The following HTR7 variants were observed in gnomAD, a reference collection of about 807,000 sequenced individuals.
HTR7 encodes the protein 5-HT-7.
A neutral mutation model predicts 34.0 loss-of-function variants in HTR7; 16 were observed. The observed-to-expected ratio is 0.47, with a 90% CI of 0.32 to 0.71. HTR7 has a LOEUF of 0.71. Among genes scored for constraint, HTR7 ranks in the 30% least tolerant of loss-of-function variants. The pLI is 0.04. For missense variants in HTR7, 504 were observed against 625.5 expected, an observed-to-expected ratio of 0.81 and a Z score of 2.07; for synonymous variants, 265 against 260.2, an observed-to-expected ratio of 1.02 and a Z score of -0.18.
intron 1 of HTR7, among the ~76,000 whole-genome samples, chr10:90,800,911 C>T (rs558920801): frequency 6.6e-6 from 1 of 152,320 alleles, no homozygotes; most frequent in East Asian, 1.9e-4. Flanking sequence ...GCAGTCATTT[C>T]ATTAACTCTG....
At chr10:90,770,527 C>T (rs1033301290) in intron 1 of HTR7, among the ~76,000 whole-genome samples, 17 of 152,210 alleles carry the variant, frequency 1.1e-4, no homozygotes, top group African/African-American at 3.4e-4. Context: ...GTTGTCTGCT[C>T]CTGCTGCCTG....
At chr10:90,790,371 C>T (rs774124388) in intron 1 of HTR7, among the ~76,000 whole-genome samples, 3 of 152,074 alleles carry the variant, frequency 2.0e-5, no homozygotes, top group Non-Finnish European at 4.4e-5. Context: ...AATGTGACAC[C>T]GATTAACAAG....
intron 1 of HTR7, among the ~76,000 whole-genome samples, chr10:90,808,608 G>A (rs544640519): frequency 4.3e-4 from 65 of 151,838 alleles, no homozygotes; most frequent in African/African-American, 1.4e-3. Context: ...TCTGCGCCCC[G>A]ACCCCTTTCC....
intron 1 of HTR7, among the ~76,000 whole-genome samples, chr10:90,755,508 G>C (rs183172607): frequency 3.8e-4 from 58 of 152,082 alleles, no homozygotes; most frequent in Non-Finnish European, 7.1e-4. Context: ...TTCTATTTCA[G>C]ACTTTTTAAA....
At chr10:90,774,493 T>C (rs576568213) in intron 1 of HTR7, among the ~76,000 whole-genome samples, 2 of 152,302 alleles carry the variant, frequency 1.3e-5, no homozygotes, top group Admixed American at 6.5e-5. Flanking sequence ...GGTTTATAAT[T>C]TGGAGGCTGC....
chr10:90,770,686 GCA>G (rs1434922424), intron 1 of HTR7, among the ~76,000 whole-genome samples: 1 of 152,232 alleles, frequency 6.6e-6, no homozygotes, highest in African/African-American at 2.4e-5. Flanking sequence ...TAGACATTGG[GCA>G]CCAACAAGCA....
intron 1 of HTR7, among the ~76,000 whole-genome samples, chr10:90,816,424 C>T (rs1337836679): frequency 6.6e-6 from 1 of 152,062 alleles, no homozygotes; most frequent in Non-Finnish European, 1.5e-5. Context: ...AATTCTATTT[C>T]AAAGGAAAAC....
chr10:90,762,578 G>A (rs942455089), intron 1 of HTR7, among the ~76,000 whole-genome samples: 2 of 152,098 alleles, frequency 1.3e-5, no homozygotes, highest in South Asian at 2.1e-4. Context: ...CTCCCATTCT[G>A]TACATGGCCT....
At chr10:90,747,788 C>T (rs933833394) in intron 2 of HTR7, among the ~76,000 whole-genome samples, 5 of 152,214 alleles carry the variant, frequency 3.3e-5, no homozygotes, top group Non-Finnish European at 7.3e-5. Flanking sequence ...ACCTCCAACA[C>T]TAATCTGCTC....
In HTR7 at chr10:90,857,410, G is replaced by C; in HGVS notation, c.262C>G (p.Leu88Val). 6.2e-7 allele frequency: 1 copy of C among 1,614,094 alleles called. No homozygotes were observed. Among genetic ancestry groups the C allele is most frequent in the Non-Finnish European group, 8.5e-7 (1 of 1,180,024 alleles). The change falls in exon 1 of 4, where the codon CTG (leucine) becomes GTG (valine). Residue 88 changes from leucine to valine, a missense_variant. Leu to Val is a conservative substitution (Grantham distance 32). Coordinates refer to ENST00000336152, the MANE Select transcript of HTR7 (RefSeq NM_019859.4). The surrounding 1 kb of genome is among the most constrained non-coding windows in gnomAD (Gnocchi z 6.5). Reference sequence around the variant, plus strand: ...ATCGTCAGCAGCGTGATGAGCGTCAGGATGGAGCCGATCACAACTTTCTCG... The same window carrying C: ...ATCGTCAGCAGCGTGATGAGCGTCACGATGGAGCCGATCACAACTTTCTCG... ...RVEKVVIGSI[L>V]TLITLLTIAG...
chr10:90,756,187 C>G (rs931112773), intron 1 of HTR7, among the ~76,000 whole-genome samples: 4 of 152,136 alleles, frequency 2.6e-5, no homozygotes, highest in African/African-American at 9.7e-5. Flanking sequence ...GCAGTTACCT[C>G]CGGGGAAGAG....
chr10:90,770,539 C>T (rs1589443457), intron 1 of HTR7, among the ~76,000 whole-genome samples: 1 of 152,312 alleles, frequency 6.6e-6, no homozygotes, highest in South Asian at 2.1e-4. Flanking sequence ...TGCTGCCTGG[C>T]CTCTCCCCAC....
At position 90,857,746 on chromosome 10, in the gene HTR7, A is replaced by T; in HGVS notation, c.-75T>A. The stretch of plus-strand genomic sequence containing the variant: ...CTCCGGCTGCCGGCCCCGGGGCTTC[A>T]CCTCACCGGTTCCGCTCCGCCCGGC... On this transcript the variant is annotated 5_prime_UTR_variant, in exon 1 of 4. An upstream open reading frame in the 5' UTR loses its in-frame stop. Transcript: ENST00000336152. This position sits in a 1 kb window ranked among gnomAD's most constrained non-coding sequence, Gnocchi z 6.5. The T allele has an allele frequency of 7.4e-7, 1 of 1,359,624 alleles. No homozygotes were observed. The highest frequency in any genetic ancestry group is 9.5e-7 in the Non-Finnish European group (1 of 1,055,864). The allele number at this position is 1,359,624 out of a possible 1,614,324, so 84.2% of individuals were successfully genotyped here. A position where few individuals can be genotyped will look rare whatever the true frequency, so the allele number is the denominator to read the frequency against.
chr10:90,759,778 A>G (rs139648969), intron 1 of HTR7, among the ~76,000 whole-genome samples: 2 of 152,222 alleles, frequency 1.3e-5, no homozygotes, highest in African/African-American at 2.4e-5. Context: ...AATTTTACAA[A>G]GTAAAAATAA....
chr10:90,816,391 A>G (rs1845899354), intron 1 of HTR7, among the ~76,000 whole-genome samples: 1 of 152,246 alleles, frequency 6.6e-6, no homozygotes, highest in South Asian at 2.1e-4. Flanking sequence ...TTTTAGTAAA[A>G]AAGGAGAGAT....
intron 1 of HTR7, among the ~76,000 whole-genome samples, chr10:90,801,403 C>T (rs902456728): frequency 9.9e-5 from 15 of 152,256 alleles, no homozygotes; most frequent in African/African-American, 2.6e-4. Context: ...GCTCCAACCC[C>T]GGAAACACCA....
chr10:90,748,853 T>A lies in HTR7; in HGVS notation c.1281A>T (p.Arg427Ser). The stretch of plus-strand genomic sequence containing the variant: ...AATGACCTTACAGCACAAACTCAGG[T>A]CTCTCTGGCCTCTCAGCAAGCTTCA... ...EALKLAERPE[R>S]PEFVLRACTR... Residue 427 changes from arginine (R) to serine (S), a missense_variant, in exon 2 of 4, where the codon AGA (arginine) becomes AGT (serine). Around this residue, in one of 4 missense-constraint regions of HTR7, gnomAD observed 154 missense variants for 212.1 expected, o/e 0.73. Coordinates refer to ENST00000336152, the MANE Select transcript of HTR7 (RefSeq NM_019859.4). 6.2e-7 allele frequency: 1 copy of A among 1,612,648 alleles called. No homozygotes were observed. The highest frequency in any genetic ancestry group is 8.5e-7 in the Non-Finnish European group (1 of 1,179,446).
chr10:90,836,085 C>T (rs549011680), intron 1 of HTR7, among the ~76,000 whole-genome samples: 58 of 152,212 alleles, frequency 3.8e-4, no homozygotes, highest in African/African-American at 1.3e-3. Flanking sequence ...CCTACTGATC[C>T]CACCTCAGCG....
rs115054731 is a variant in HTR7 at position 90,825,283 on chromosome 10, A to G, written c.539+31850T>C. Among the ~76,000 whole-genome samples the G allele has an allele frequency of 1.0e-3, 159 of 152,318 alleles. 1 individual carries two copies. Among genetic ancestry groups the G allele is most frequent in the Middle Eastern group, 3.4e-3 (1 of 294 alleles). ...TATGAGTCTGCAGGCTTATACCTCTACAAGGCTGCCGCCTAATGCAGACAT... is the reference window on the plus strand; with the variant it reads ...TATGAGTCTGCAGGCTTATACCTCTGCAAGGCTGCCGCCTAATGCAGACAT... On this transcript the variant is annotated intron_variant, in intron 1 of 3. Transcript: ENST00000336152.
Sources: gnomAD v4.1 joint callset for allele counts (sites outside exome capture counted in the v4.1 genomes callset) on GRCh38, gnomAD v4.1.1 for gene constraint, gnomAD v4.1.1 regional missense constraint, Gnocchi (gnomAD v3.1) non-coding constraint, MANE v1.5 for transcripts, NCBI Gene and HGNC (gene_info 2026-07-23, HGNC 2026-07-21) for gene names.